NTNG1: variants seen among roughly 807,000 people sequenced by gnomAD.
NTNG1 encodes netrin-G1.
A neutral mutation model predicts 54.0 loss-of-function variants in NTNG1; 16 were observed. The ratio of observed to expected loss-of-function variants is 0.30; its 90% CI spans 0.20 to 0.45. The LOEUF (loss-of-function observed/expected upper bound fraction) is 0.45. Among genes scored for constraint, NTNG1 ranks in the 20% least tolerant of loss-of-function variants. NTNG1 has a pLI of 1.00. For synonymous variants in NTNG1, 255 were observed against 263.1 expected, an observed-to-expected ratio of 0.97 and a Z score of 0.30; for missense variants, 530 against 678.7, an observed-to-expected ratio of 0.78 and a Z score of 2.43.
intron 5 of NTNG1, among the ~76,000 whole-genome samples, chr1:107,424,289 C>T (rs898153516): frequency 1.3e-5 from 2 of 151,940 alleles, no homozygotes; most frequent in African/African-American, 4.8e-5. Context: ...CTGGGAAGTG[C>T]TTGGTGTGTT....
intron 3 of NTNG1, among the ~76,000 whole-genome samples, chr1:107,368,338 AAAC>A (rs1670721392): frequency 6.6e-6 from 1 of 152,178 alleles, no homozygotes; most frequent in African/African-American, 2.4e-5. Context: ...TAAAAAAAAA[AAAC>A]ATTGGTGGCA....
intron 2 of NTNG1, among the ~76,000 whole-genome samples, chr1:107,175,532 T>A (rs1656580358): frequency 2.0e-5 from 3 of 152,182 alleles, no homozygotes; most frequent in Admixed American, 2.0e-4. Flanking sequence ...ATAGCCCTCC[T>A]TTCAAAGCAC....
chr1:107,472,555 T>C (rs1678050428), intron 7 of NTNG1, among the ~76,000 whole-genome samples: 1 of 152,106 alleles, frequency 6.6e-6, no homozygotes, highest in Non-Finnish European at 1.5e-5. Context: ...TGAGTGTCAC[T>C]AAATAGTTGC....
At chr1:107,408,063 T>G (rs1024146038) in intron 5 of NTNG1, 2 of 370,290 alleles carry the variant, frequency 5.4e-6, no homozygotes, top group African/African-American at 2.1e-5. Context: ...GAACTCTCTC[T>G]TAGACTGGAT....
intron 7 of NTNG1, among the ~76,000 whole-genome samples, chr1:107,466,972 A>C (rs1677646611): frequency 6.6e-6 from 1 of 152,122 alleles, no homozygotes; most frequent in Non-Finnish European, 1.5e-5. Context: ...CCTTTTTCTT[A>C]ACCAATGAAG....
At chr1:107,200,272 A>G (rs1227592230) in intron 2 of NTNG1, among the ~76,000 whole-genome samples, 5 of 151,880 alleles carry the variant, frequency 3.3e-5, no homozygotes, top group Admixed American at 2.6e-4. Flanking sequence ...AGAGTGGCAA[A>G]GATAATCCTG....
chr1:107,197,204 G>A (rs1658407820), intron 2 of NTNG1, among the ~76,000 whole-genome samples: 1 of 151,926 alleles, frequency 6.6e-6, no homozygotes, highest in Admixed American at 6.6e-5. Flanking sequence ...TGTGACACAG[G>A]AAATGCGGTC....
At chr1:107,349,213 TATC>T (rs1669445817) in intron 3 of NTNG1, among the ~76,000 whole-genome samples, 1 of 152,208 alleles carries the variant, frequency 6.6e-6, no homozygotes, top group Non-Finnish European at 1.5e-5. Flanking sequence ...ATTAATCAGA[TATC>T]ATACCAAAAG....
At chr1:107,184,609 T>C (rs183680377) in intron 2 of NTNG1, among the ~76,000 whole-genome samples, 182 of 152,232 alleles carry the variant, frequency 1.2e-3, no homozygotes, top group African/African-American at 4.3e-3. Flanking sequence ...TCCACTACAT[T>C]CGACAAAAGA....
intron 7 of NTNG1, 69 bp downstream of exon 7, chr1:107,436,868 C>T (rs1167252795): frequency 3.5e-6 from 5 of 1,427,766 alleles, no homozygotes; most frequent in African/African-American, 1.4e-5. Flanking sequence ...TAGGCCGGTG[C>T]GTGCAGCTTC....
intron 3 of NTNG1, among the ~76,000 whole-genome samples, chr1:107,389,146 A>G (rs1016645292): frequency 6.6e-6 from 1 of 152,368 alleles, no homozygotes; most frequent in East Asian, 1.9e-4. Context: ...ATGTGAACAT[A>G]TTGCTAGGGT....
intron 2 of NTNG1, among the ~76,000 whole-genome samples, chr1:107,218,083 C>T (rs919593721): frequency 6.6e-6 from 1 of 151,912 alleles, no homozygotes. Flanking sequence ...TCTGTCTCAG[C>T]AACACAATAA....
intron 2 of NTNG1, among the ~76,000 whole-genome samples, chr1:107,302,682 C>A (rs1666400075): frequency 6.6e-6 from 1 of 151,422 alleles, no homozygotes. Flanking sequence ...GAATGTGAAT[C>A]CTCATAATTA....
Position 107,451,152 on chromosome 1 carries a change from G to T in NTNG1, c.1390+14353G>T, listed in dbSNP as rs556138470. Among the ~76,000 whole-genome samples, 3 of 148,130 alleles carry T rather than the reference G, an allele frequency of 2.0e-5. No homozygotes were observed. In the East Asian group the frequency reaches 5.9e-4, roughly 29 times the overall value. Reference sequence around the variant, plus strand: ...AACTCCTCAGGGGACTTTCCACGGGGTTATTTGGCTATTCTTAGCAAGTTC... The same window carrying T: ...AACTCCTCAGGGGACTTTCCACGGGTTTATTTGGCTATTCTTAGCAAGTTC... On this transcript the variant is annotated intron_variant, in intron 7 of 7. Coordinates refer to ENST00000370068, the MANE Select transcript of NTNG1 (RefSeq NM_001113226.3).
At chr1:107,365,395 A>G (rs1453686213) in intron 3 of NTNG1, among the ~76,000 whole-genome samples, 1 of 152,224 alleles carries the variant, frequency 6.6e-6, no homozygotes, top group East Asian at 1.9e-4. Flanking sequence ...GATGGTACGC[A>G]TTAATCTTTC....
chr1:107,165,386 G>A (rs1655716193), intron 2 of NTNG1, among the ~76,000 whole-genome samples: 1 of 152,142 alleles, frequency 6.6e-6, no homozygotes, highest in South Asian at 2.1e-4. Context: ...TAGCTTTGCT[G>A]TTATAAGACG....
chr1:107,181,150 C>G (rs1238878051), intron 2 of NTNG1, among the ~76,000 whole-genome samples: 2 of 152,046 alleles, frequency 1.3e-5, no homozygotes, highest in Non-Finnish European at 2.9e-5. Context: ...AAATCTGGGA[C>G]TAGCAGAAAA....
In NTNG1 at chr1:107,148,080, C is replaced by G. The variant is rs1654263432; in HGVS notation, c.-514C>G. 6.5e-6 allele frequency: 1 copy of G among 154,586 alleles called. No individual in the cohort carries two copies. The highest frequency in any genetic ancestry group is 2.0e-4 in the South Asian group (1 of 4,980). 9.6% of individuals were successfully genotyped at this position (154,586 alleles called of 1,614,324 possible). ...ATTGTTTCTAAAAGGGTGTTGGTGCCAGAAGAAAAGAATGATTGATGGGAA... is the reference window on the plus strand; with the variant it reads ...ATTGTTTCTAAAAGGGTGTTGGTGCGAGAAGAAAAGAATGATTGATGGGAA... On this transcript the variant is annotated 5_prime_UTR_variant, in exon 2 of 8. Transcript: ENST00000370068.
intron 2 of NTNG1, among the ~76,000 whole-genome samples, chr1:107,246,624 T>A (rs1286765436): frequency 5.3e-5 from 8 of 152,104 alleles, no homozygotes; most frequent in Non-Finnish European, 1.2e-4. Flanking sequence ...ATTATAATTT[T>A]AAAAATGTGT....
Sources: gnomAD v4.1 joint callset for allele counts (sites outside exome capture counted in the v4.1 genomes callset) on GRCh38, gnomAD v4.1.1 for gene constraint, MANE v1.5 for transcripts, NCBI Gene and HGNC (gene_info 2026-07-23, HGNC 2026-07-21) for gene names.